The following NACAD variants were observed in gnomAD, a reference collection of about 807,000 sequenced individuals.
NACAD encodes NAC-alpha domain-containing protein 1.
NACAD carries 47 observed loss-of-function variants against 98.9 expected under a neutral mutation model. The ratio of observed to expected loss-of-function variants is 0.48; its 90% CI spans 0.38 to 0.61. NACAD has a LOEUF of 0.61. NACAD is among the 20% of genes least tolerant of loss of function. The probability of loss-of-function intolerance (pLI) is 0.00; values close to 1 mark genes in which losing one functional copy is unlikely to be tolerated. For missense variants in NACAD, 1,412 were observed against 1,748.2 expected (o/e 0.81, Z 3.43); for synonymous variants, 696 against 767.2 (o/e 0.91, Z 1.53).
At position 45,088,884 on chromosome 7, in the gene NACAD, T is replaced by A. The variant is rs1351200328; in HGVS notation, c.11A>T (p.Glu4Val). MPG[E>V]AARAELLLPE... Reference sequence around the variant, plus strand: ...CAGCAGCAGCTCGGCGCGGGCAGCCTCCCCAGGCATGGCCTGGCCGTGCGC... The same window carrying A: ...CAGCAGCAGCTCGGCGCGGGCAGCCACCCCAGGCATGGCCTGGCCGTGCGC... Residue 4 changes from glutamate (E) to valine (V), a missense_variant, in exon 1 of 8, where the codon GAG (glutamate) becomes GTG (valine). Around this residue, in one of 5 missense-constraint regions of NACAD, gnomAD observed 638 missense variants for 722.7 expected, o/e 0.88. Transcript: ENST00000490531. This position sits in a 1 kb window ranked among gnomAD's most constrained non-coding sequence, Gnocchi z 5.7. 58 of 1,479,874 alleles carry A rather than the reference T, an allele frequency of 3.9e-5. No individual in the cohort carries two copies. The highest frequency in any genetic ancestry group is 5.0e-5 in the Non-Finnish European group (56 of 1,119,292). 91.7% of individuals were successfully genotyped at this position (1,479,874 alleles called of 1,614,324 possible). A position where few individuals can be genotyped will look rare whatever the true frequency, so the allele number is the denominator to read the frequency against.
chr7:45,085,373 C>A lies in NACAD; in HGVS notation c.807G>T (p.Gly269=). ...ACTCAGAGGACGGGGGCTCTGGGGT[C>A]CCTGCTGGGTGCAGCTCTCGTTCAT... ...MVDERELHPA[G]TPEPPSSESS... The change falls in exon 2 of 8, where the codon GGG becomes GGT. Residue 269 remains glycine (G), a synonymous_variant. Coordinates refer to ENST00000490531, the MANE Select transcript of NACAD (RefSeq NM_001146334.2). This position sits in a 1 kb window ranked among gnomAD's most constrained non-coding sequence, Gnocchi z 6.1. The A allele has an allele frequency of 1.3e-6, 2 of 1,549,228 alleles. No homozygotes were observed. The highest frequency in any genetic ancestry group is 1.7e-6 in the Non-Finnish European group (2 of 1,146,026).
At position 45,085,880 on chromosome 7, in the gene NACAD, C is replaced by T; in HGVS notation, c.300G>A (p.Leu100=). The change falls in exon 2 of 8, where the codon CTG becomes CTA. Residue 100 remains leucine (L), a synonymous_variant. Transcript: ENST00000490531. The surrounding 1 kb of genome is among the most constrained non-coding windows in gnomAD (Gnocchi z 6.1). ...GPSPMLLPEG[L]SSQALSTEAP... ...CCTCCGTGGACAGAGCCTGGGAAGA[C>T]AGGCCCTCAGGGAGGAGCATGGGGC... 1 of 1,547,206 alleles carries T rather than the reference C, an allele frequency of 6.5e-7. No homozygotes were observed. Among genetic ancestry groups the T allele is most frequent in the Non-Finnish European group, 8.7e-7 (1 of 1,145,888 alleles).
intron 1 of NACAD, 117 bp from the exon 2 acceptor site, chr7:45,086,229 C>G: frequency 8.5e-7 from 1 of 1,173,106 alleles, no homozygotes; most frequent in Admixed American, 2.6e-5. Context: ...TCCAGGAAGG[C>G]AGGAGAGAAA....
Position 45,081,760 on chromosome 7 carries a change from C to A in NACAD, c.4180G>T (p.Ala1394Ser). 1 of 1,551,174 alleles carries A rather than the reference C, an allele frequency of 6.4e-7. No individual in the cohort carries two copies. The highest frequency in any genetic ancestry group is 8.7e-7 in the Non-Finnish European group (1 of 1,146,996). The stretch of plus-strand genomic sequence containing the variant: ...CTCTTCCCTGGACTGGGCACCTGGG[C>A]TGGACACTGCACGGTCTGAGGAGCC... ...ILAPQTVQCP[A>S]QAPAGGSEET... The change falls in exon 3 of 8, where the codon GCC becomes TCC. Residue 1394 changes from alanine to serine, a missense_variant. Ala to Ser is a moderately conservative substitution (Grantham distance 99). Coordinates refer to ENST00000490531, the MANE Select transcript of NACAD (RefSeq NM_001146334.2).
Position 45,085,267 on chromosome 7 carries a change from T to C in NACAD, c.913A>G (p.Met305Val), listed in dbSNP as rs1036760848. The change falls in exon 2 of 8, where the codon ATG becomes GTG. Residue 305 changes from methionine (M) to valine (V), a missense_variant. Met to Val is a conservative substitution (Grantham distance 21). Around this residue, in one of 5 missense-constraint regions of NACAD, gnomAD observed 638 missense variants for 722.7 expected, o/e 0.88. Transcript: ENST00000490531. This position sits in a 1 kb window ranked among gnomAD's most constrained non-coding sequence, Gnocchi z 6.1. Reference sequence around the variant, plus strand: ...AAGGGTAGGAGGGCTGCGGGGATCATTGGGTCATTGGCCAGGAAGTCCAGG... The same window carrying C: ...AAGGGTAGGAGGGCTGCGGGGATCACTGGGTCATTGGCCAGGAAGTCCAGG... ...FDLDFLANDP[M>V]IPAALLPFQG... The C allele has an allele frequency of 2.2e-5, 34 of 1,551,194 alleles. No homozygotes were observed. The highest frequency in any genetic ancestry group is 3.6e-5 in the South Asian group (3 of 84,062).
intron 1 of NACAD, among the ~76,000 whole-genome samples, chr7:45,087,811 G>A (rs549742421): frequency 2.2e-4 from 34 of 152,312 alleles, no homozygotes; most frequent in African/African-American, 6.5e-4. Flanking sequence ...GGCATCACTG[G>A]GTGCCCTGAA....
At chr7:45,086,177 G>A (rs1200537316) in intron 1 of NACAD, 65 bp from the exon 2 acceptor site, 67 of 1,485,692 alleles carry the variant, frequency 4.5e-5, no homozygotes, top group African/African-American at 5.6e-5. Flanking sequence ...GCCAGGCCCG[G>A]GGAGATGAAT....
In NACAD at chr7:45,088,674, T is replaced by A. The variant is rs1784558093; in HGVS notation, c.67+154A>T. Among the ~76,000 whole-genome samples the A allele has an allele frequency of 6.7e-6, 1 of 150,210 alleles. No homozygotes were observed. Among genetic ancestry groups the A allele is most frequent in the Admixed American group, 6.6e-5 (1 of 15,142 alleles). ...AGTTCTGAGAGAGGCGGTAGCAGGG[T>A]TCAGATGGAGGGAAGGACAGGGCGC... On this transcript the variant is annotated intron_variant, in intron 1 of 7. Coordinates refer to ENST00000490531, the MANE Select transcript of NACAD (RefSeq NM_001146334.2). This position sits in a 1 kb window ranked among gnomAD's most constrained non-coding sequence, Gnocchi z 5.7.
Position 45,084,688 on chromosome 7 carries a change from C to A in NACAD, c.1492G>T (p.Val498Leu). The change falls in exon 2 of 8, where the codon GTG becomes TTG. Residue 498 changes from valine to leucine, a missense_variant. By Grantham distance (32) the Val-to-Leu change is conservative (BLOSUM62 1). Around this residue, in one of 5 missense-constraint regions of NACAD, gnomAD observed 638 missense variants for 722.7 expected, o/e 0.88. Coordinates refer to ENST00000490531, the MANE Select transcript of NACAD (RefSeq NM_001146334.2). ...LQVAPGLQVE[V>L]ATRVTPQAGE... ...GCCTGTGGGGTCACTCTGGTAGCCACCTCCACCTGGAGGCCTGGGGCTACC... is the reference window on the plus strand; with the variant it reads ...GCCTGTGGGGTCACTCTGGTAGCCAACTCCACCTGGAGGCCTGGGGCTACC... The A allele has an allele frequency of 6.4e-7, 1 of 1,551,182 alleles. No homozygotes were observed. Among genetic ancestry groups the A allele is most frequent in the Non-Finnish European group, 8.7e-7 (1 of 1,146,834 alleles).
Position 45,088,157 on chromosome 7 carries a change from G to A in NACAD, c.67+671C>T, listed in dbSNP as rs1784549730. Among the ~76,000 whole-genome samples the A allele has an allele frequency of 6.6e-6, 1 of 152,166 alleles. No homozygotes were observed. Among genetic ancestry groups the A allele is most frequent in the Non-Finnish European group, 1.5e-5 (1 of 68,024 alleles). On this transcript the variant is annotated intron_variant, in intron 1 of 7. Transcript: ENST00000490531. The surrounding 1 kb of genome is among the most constrained non-coding windows in gnomAD (Gnocchi z 5.7). ...CTCCACGCCAGGACTGTCCAGGCTC[G>A]GCTCTTTCTAGGCCCCGTAGACCCC... is the stretch of plus-strand genomic sequence containing the variant.
rs1399430062 is a variant in NACAD at position 45,085,808 on chromosome 7, C to T, written c.372G>A (p.Glu124=). ...TLEPRIVMGE[E]TCQALLSPRA... ...TGGGTGACAGGAGGGCCTGGCACGT[C>T]TCCTCTCCCATCACAATCCGGGGCT... Residue 124 remains glutamate, a synonymous_variant, in exon 2 of 8, where the codon GAG becomes GAA. Transcript: ENST00000490531. This position sits in a 1 kb window ranked among gnomAD's most constrained non-coding sequence, Gnocchi z 6.1. 1.9e-6 allele frequency: 3 copies of T among 1,539,278 alleles called. No homozygotes were observed. The South Asian group carries it at 3.6e-5, about 19-fold the overall frequency.
chr7:45,082,546 G>T lies in NACAD; in HGVS notation c.3634C>A (p.Leu1212Ile), dbSNP rs923662205. ...GGCGTGCTGGGCTGACCCTTGGCAA[G>T]GTTTTCTGGGGGCTGCAGCAAGGGG... ...GTPLLQPPEN[L>I]AKGQPSTPVD... Residue 1212 changes from leucine (L) to isoleucine (I), a missense_variant, in exon 2 of 8, where the codon CTT (leucine) becomes ATT (isoleucine). Transcript: ENST00000490531. The surrounding 1 kb of genome is among the most constrained non-coding windows in gnomAD (Gnocchi z 4.5). The T allele has an allele frequency of 2.6e-5, 40 of 1,548,544 alleles. No homozygotes were observed. Among genetic ancestry groups the T allele is most frequent in the Non-Finnish European group, 3.5e-5 (40 of 1,146,152 alleles).
chr7:45,082,664 G>A lies in NACAD; in HGVS notation c.3516C>T (p.Ala1172=), dbSNP rs1784449691. ...GCTGGGAGGTTGGTGCAGACGTGGG[G>A]GCAGGCGCGTCAGGGCAGCCTCTGT... ...SLDRGCPDAP[A]PTSAPTSQQP... Residue 1172 remains alanine, a synonymous_variant, in exon 2 of 8, where the codon GCC becomes GCT. Transcript: ENST00000490531. This position sits in a 1 kb window ranked among gnomAD's most constrained non-coding sequence, Gnocchi z 4.5. The A allele has an allele frequency of 2.0e-6, 3 of 1,507,732 alleles. No homozygotes were observed. The highest frequency in any genetic ancestry group is 2.7e-6 in the Non-Finnish European group (3 of 1,124,338). 93.4% of individuals were successfully genotyped at this position (1,507,732 alleles called of 1,614,324 possible).
In NACAD at chr7:45,084,578, C is replaced by T. The variant is rs774411990; in HGVS notation, c.1602G>A (p.Glu534=). ...CAGTGACAGACTCTTGGCCTAAGATCTCGCTGATGCCCTCCTGGGAGGGCT... is the reference window on the plus strand; with the variant it reads ...CAGTGACAGACTCTTGGCCTAAGATTTCGCTGATGCCCTCCTGGGAGGGCT... The part of the protein sequence containing the change: ...MPQPSQEGIS[E]ILGQESVTAE... The change falls in exon 2 of 8, where the codon GAG becomes GAA. Residue 534 remains glutamate (E), a synonymous_variant. Transcript: ENST00000490531. The T allele has an allele frequency of 2.8e-5, 44 of 1,551,860 alleles. No homozygotes were observed. Among genetic ancestry groups the T allele is most frequent in the Middle Eastern group, 3.3e-4 (2 of 6,016 alleles).
chr7:45,086,001 T>C lies in NACAD; in HGVS notation c.179A>G (p.Lys60Arg). 6.5e-7 allele frequency: 1 copy of C among 1,536,236 alleles called. No homozygotes were observed. The highest frequency in any genetic ancestry group is 1.2e-5 in the South Asian group (1 of 83,678). Residue 60 changes from lysine (K) to arginine (R), a missense_variant, in exon 2 of 8, where the codon AAG (lysine) becomes AGG (arginine). This residue lies in a region of NACAD where 638 missense variants were observed against 722.7 expected (regional missense o/e 0.88). Transcript: ENST00000490531. ...SHLALTFLPSKPGARPQPEGA... is the reference protein window; with the variant it reads ...SHLALTFLPSRPGARPQPEGA... ...CTCGGGCTGGGGCCGGGCACCCGGC[T>C]TGCTGGGCAGGAACGTGAGGGCCAG... is the stretch of plus-strand genomic sequence containing the variant.
chr7:45,080,657 T>C lies in NACAD; in HGVS notation c.4657A>G (p.Ile1553Val), dbSNP rs1204196826. ...TCACTCACCATGATGGCGTTGACGA[T>C]GTCACTGTGGTTGTCTCTCAGAGCC... ...VRALRDNHSD[I>V]VNAIMELTM is the part of the protein sequence containing the mutation. The change falls in exon 7 of 8, where the codon ATC becomes GTC. Residue 1553 changes from isoleucine (I) to valine (V), a missense_variant. Coordinates refer to ENST00000490531, the MANE Select transcript of NACAD (RefSeq NM_001146334.2). 4 of 1,551,336 alleles carry C rather than the reference T, an allele frequency of 2.6e-6. No homozygotes were observed. Among genetic ancestry groups the C allele is most frequent in the South Asian group, 2.4e-5 (2 of 84,064 alleles).
chr7:45,080,627 A>C lies in NACAD; in HGVS notation c.4674+13T>G. 1 of 1,551,364 alleles carries C rather than the reference A, an allele frequency of 6.4e-7. No homozygotes were observed. Among genetic ancestry groups the C allele is most frequent in the Non-Finnish European group, 8.7e-7 (1 of 1,146,896 alleles). ...CAGCTCAGGGGTAGGGAAAGGGGCC[A>C]GTGCTCACTCACCATGATGGCGTTG... On this transcript the variant is annotated intron_variant, in intron 7 of 7. Transcript: ENST00000490531.
At chr7:45,086,224 G>A (rs1784521293) in intron 1 of NACAD, 112 bp from the exon 2 acceptor site, 2 of 1,184,930 alleles carry the variant, frequency 1.7e-6, no homozygotes, top group Admixed American at 2.6e-5. Context: ...GTGGATCCAG[G>A]AAGGCAGGAG....
Position 45,088,759 on chromosome 7 carries a change from C to A in NACAD, c.67+69G>T. The A allele has an allele frequency of 1.5e-6, 2 of 1,338,682 alleles. No individual in the cohort carries two copies. The highest frequency in any genetic ancestry group is 1.5e-5 in the South Asian group (1 of 66,740). 82.9% of individuals were successfully genotyped at this position (1,338,682 alleles called of 1,614,324 possible). On this transcript the variant is annotated intron_variant, in intron 1 of 7. Transcript: ENST00000490531. The surrounding 1 kb of genome is among the most constrained non-coding windows in gnomAD (Gnocchi z 5.7). ...ATGGGGGAGAGGGGTGAAAGGTGAG[C>A]GATGGAAAGAGAACCCGGGCTGGAG...
Sources: gnomAD v4.1 joint callset for allele counts (sites outside exome capture counted in the v4.1 genomes callset) on GRCh38, gnomAD v4.1.1 for gene constraint, gnomAD v4.1.1 regional missense constraint, Gnocchi (gnomAD v3.1) non-coding constraint, MANE v1.5 for transcripts, NCBI Gene and HGNC (gene_info 2026-07-23, HGNC 2026-07-21) for gene names.